The following ATP2B4 variants were observed in gnomAD, a reference collection of about 807,000 sequenced individuals.
ATP2B4 encodes the protein ATPase plasma membrane Ca2+ transporting 4.
A neutral mutation model predicts 110.3 loss-of-function variants in ATP2B4; 39 were observed. That is an observed-to-expected ratio of 0.35 (90% confidence interval 0.27 to 0.46). ATP2B4 has a LOEUF of 0.46. Ranked by LOEUF, ATP2B4 falls within the 20% of genes least tolerant of loss-of-function variation. The pLI is 1.00. For synonymous variants in ATP2B4, 538 were observed against 571.7 expected (o/e 0.94, Z 0.84); for missense variants, 1,135 against 1,530.9 (o/e 0.74, Z 4.32).
At chr1:203,724,067 C>T (rs910330706) in intron 19 of ATP2B4, 79 bp downstream of exon 19, 73 of 1,195,908 alleles carry the variant, frequency 6.1e-5, no homozygotes, top group Middle Eastern at 2.8e-4. Context: ...GAACAAGCAA[C>T]GGTGGAGACC....
At chr1:203,655,230 T>G (rs1307442652) in intron 1 of ATP2B4, among the ~76,000 whole-genome samples, 4 of 152,186 alleles carry the variant, frequency 2.6e-5, no homozygotes, top group African/African-American at 9.7e-5. Context: ...GACAAAGGAT[T>G]TAGAATATTA....
chr1:203,638,640 C>T (rs1430402602), intron 1 of ATP2B4, among the ~76,000 whole-genome samples: 1 of 152,108 alleles, frequency 6.6e-6, no homozygotes, highest in Non-Finnish European at 1.5e-5. Context: ...GCCTAGTTCT[C>T]CCCACTCCAA....
At chr1:203,718,628 A>G (rs1666228514) in intron 15 of ATP2B4, among the ~76,000 whole-genome samples, 1 of 152,100 alleles carries the variant, frequency 6.6e-6, no homozygotes, top group Admixed American at 6.6e-5. Flanking sequence ...CCCTGATTTT[A>G]TGTTTGTATC....
In ATP2B4 at chr1:203,646,645, C is replaced by T. The variant is rs146829241; in HGVS notation, c.-465+19426C>T. Reference sequence around the variant, plus strand: ...AGGCGTGGTGGCACATACCTGTAATCCCAGCTACTTGGGAGGCTGAGGCAG... The same window carrying T: ...AGGCGTGGTGGCACATACCTGTAATTCCAGCTACTTGGGAGGCTGAGGCAG... On this transcript the variant is annotated intron_variant, in intron 1 of 20. Transcript: ENST00000357681. Among the ~76,000 whole-genome samples the T allele has an allele frequency of 4.2e-3, 637 of 152,206 alleles. 2 individuals are homozygous for T. The highest frequency in any genetic ancestry group is 0.014 in the Middle Eastern group (4 of 294).
chr1:203,729,560 A>AAAG (rs749168836), intron 20 of ATP2B4: 5 of 449,790 alleles, frequency 1.1e-5, no homozygotes, highest in Admixed American at 3.0e-5. Flanking sequence ...AAAAAAAAAA[A>AAAG]AAGAAGAAGA....
At chr1:203,640,124 A>C (rs1462727911) in intron 1 of ATP2B4, among the ~76,000 whole-genome samples, 1 of 152,140 alleles carries the variant, frequency 6.6e-6, no homozygotes, top group Non-Finnish European at 1.5e-5. Context: ...CATAAACATT[A>C]AAGTGCTAGA....
intron 19 of ATP2B4, among the ~76,000 whole-genome samples, chr1:203,724,265 C>T (rs1228628920): frequency 6.6e-6 from 1 of 152,120 alleles, no homozygotes; most frequent in African/African-American, 2.4e-5. Flanking sequence ...CACCTGTAAT[C>T]CCAGCACTTT....
intron 2 of ATP2B4, among the ~76,000 whole-genome samples, chr1:203,687,264 GAAAGAAAA>G (rs1558034140): frequency 4.5e-4 from 3 of 6,706 alleles, no homozygotes; most frequent in Non-Finnish European, 2.1e-3. Flanking sequence ...GAAAGAAAAA[GAAAGAAAA>G]GAAAGAAAAG....
At chr1:203,671,413 CA>C (rs1664657086) in intron 1 of ATP2B4, among the ~76,000 whole-genome samples, 1 of 152,214 alleles carries the variant, frequency 6.6e-6, no homozygotes, top group African/African-American at 2.4e-5. Flanking sequence ...CCTCCCTCCT[CA>C]GCCTCCCAAA....
chr1:203,648,813 T>G (rs1663891617), intron 1 of ATP2B4, among the ~76,000 whole-genome samples: 1 of 152,170 alleles, frequency 6.6e-6, no homozygotes. Context: ...GAGAGATGCT[T>G]TGGGTTTCCA....
chr1:203,673,358 A>G (rs1290133178), intron 1 of ATP2B4, among the ~76,000 whole-genome samples: 1 of 152,216 alleles, frequency 6.6e-6, no homozygotes, highest in African/African-American at 2.4e-5. Context: ...AGTGCAAGGA[A>G]GCATGATCAG....
chr1:203,660,304 C>T (rs759673316), intron 1 of ATP2B4, among the ~76,000 whole-genome samples: 46 of 152,118 alleles, frequency 3.0e-4, no homozygotes, highest in Non-Finnish European at 6.0e-4. Context: ...AACTGCAGAG[C>T]TTTAGGCCTC....
chr1:203,721,806 G>A (rs913290444), intron 17 of ATP2B4, among the ~76,000 whole-genome samples: 1 of 151,770 alleles, frequency 6.6e-6, no homozygotes, highest in Non-Finnish European at 1.5e-5. Flanking sequence ...GGGATTACAG[G>A]CATGCGCCAC....
At chr1:203,657,204 A>G (rs922036260) in intron 1 of ATP2B4, 3 of 750,394 alleles carry the variant, frequency 4.0e-6, no homozygotes, top group South Asian at 3.1e-5. Context: ...GATGTAATAC[A>G]TGGGCTTTCT....
chr1:203,634,269 C>T (rs958143114), intron 1 of ATP2B4, among the ~76,000 whole-genome samples: 1 of 152,150 alleles, frequency 6.6e-6, no homozygotes, highest in Non-Finnish European at 1.5e-5. Flanking sequence ...ACTATAGTCA[C>T]CATGTAGTGC....
At chr1:203,662,924 G>T (rs114548287) in intron 1 of ATP2B4, among the ~76,000 whole-genome samples, 1 of 152,098 alleles carries the variant, frequency 6.6e-6, no homozygotes, top group Non-Finnish European at 1.5e-5. Flanking sequence ...TACTTAATGC[G>T]CATGACATCA....
intron 18 of ATP2B4, among the ~76,000 whole-genome samples, chr1:203,723,655 A>C (rs1666415998): frequency 6.6e-6 from 1 of 152,096 alleles, no homozygotes; most frequent in Non-Finnish European, 1.5e-5. Flanking sequence ...TCTGTTAATC[A>C]TAGTCACAGT....
At chr1:203,719,141 C>T (rs947225688) in intron 15 of ATP2B4, among the ~76,000 whole-genome samples, 3 of 146,956 alleles carry the variant, frequency 2.0e-5, no homozygotes, top group African/African-American at 7.6e-5. Flanking sequence ...GGGAGGATTG[C>T]TTGAGCCCAA....
At chr1:203,725,904 C>CTTT (rs756184004) in intron 19 of ATP2B4, among the ~76,000 whole-genome samples, 4,647 of 93,292 alleles carry the variant, frequency 0.05, 347 homozygotes, top group African/African-American at 0.12. Context: ...CTTTTCTTTT[C>CTTT]TTTTTTTTTT....
Sources: gnomAD v4.1 joint callset for allele counts (sites outside exome capture counted in the v4.1 genomes callset) on GRCh38, gnomAD v4.1.1 for gene constraint, MANE v1.5 for transcripts, NCBI Gene and HGNC (gene_info 2026-07-23, HGNC 2026-07-21) for gene names.